ATP10A: variants seen among roughly 807,000 people sequenced by gnomAD.
ATP10A encodes the protein phospholipid-transporting ATPase VA.
In ATP10A, 111 loss-of-function variants were observed where a neutral mutation model predicts 147.8. The observed-to-expected ratio is 0.75, with a 90% CI of 0.64 to 0.88. ATP10A has a LOEUF of 0.88. ATP10A is among the 40% of genes least tolerant of loss of function. The pLI is 0.00. For missense variants in ATP10A, 1,927 were observed against 1,959.0 expected, an observed-to-expected ratio of 0.98 and a Z score of 0.31; for synonymous variants, 875 against 841.6, an observed-to-expected ratio of 1.04 and a Z score of -0.69.
chr15:25,857,842 G>A lies in ATP10A; in HGVS notation c.449+4806C>T, dbSNP rs372648434. On this transcript the variant is annotated intron_variant, in intron 1 of 20. Coordinates refer to ENST00000555815, the MANE Select transcript of ATP10A (RefSeq NM_024490.4). ...CGGTACTGCCATCTCCTAACAGTGT[G>A]ACCTTAGGCAAGCTATTGAGTCTTG... Among the ~76,000 whole-genome samples the A allele has an allele frequency of 3.0e-4, 45 of 152,286 alleles. No individual in the cohort carries two copies. The East Asian group carries it at 6.8e-3, about 23-fold the overall frequency.
intron 1 of ATP10A, among the ~76,000 whole-genome samples, chr15:25,845,384 A>G (rs1892976193): frequency 6.6e-6 from 1 of 151,732 alleles, no homozygotes; most frequent in African/African-American, 2.4e-5. Context: ...GCCGAAGTTA[A>G]CTGTGATAAG....
chr15:25,804,591 G>A (rs551537407), intron 1 of ATP10A, among the ~76,000 whole-genome samples: 1 of 152,186 alleles, frequency 6.6e-6, no homozygotes, highest in African/African-American at 2.4e-5. Context: ...GGAAAGAGCT[G>A]AGGCCTTAAA....
intron 1 of ATP10A, among the ~76,000 whole-genome samples, chr15:25,812,056 C>T (rs2140819736): frequency 6.6e-6 from 1 of 152,364 alleles, no homozygotes; most frequent in Admixed American, 6.5e-5. Context: ...CGCAAACACG[C>T]TCCCCTAAAA....
chr15:25,705,454 C>CAAAAAAAAAAAAAAAA (rs367718474), intron 12 of ATP10A, among the ~76,000 whole-genome samples: 3 of 82,000 alleles, frequency 3.7e-5, no homozygotes, highest in African/African-American at 7.9e-5. Context: ...AAAAAAAAAA[C>CAAAAAAAAAAAAAAAA]AAAAAAAAAA....
intron 1 of ATP10A, among the ~76,000 whole-genome samples, chr15:25,849,554 A>G (rs1893187843): frequency 6.6e-6 from 1 of 152,192 alleles, no homozygotes; most frequent in African/African-American, 2.4e-5. Context: ...AAGTCTGGCC[A>G]GACGCTTTAC....
intron 1 of ATP10A, among the ~76,000 whole-genome samples, chr15:25,804,875 A>C (rs1489571637): frequency 6.6e-6 from 1 of 152,268 alleles, no homozygotes; most frequent in Admixed American, 6.5e-5. Flanking sequence ...GAAGTAAAAA[A>C]TAAAATATGA....
intron 17 of ATP10A, among the ~76,000 whole-genome samples, chr15:25,682,760 G>A (rs999524541): frequency 6.6e-6 from 1 of 152,230 alleles, no homozygotes; most frequent in Non-Finnish European, 1.5e-5. Context: ...CAGGAGAAAT[G>A]AGACTCCATG....
chr15:25,687,265 C>T (rs1899740632), intron 16 of ATP10A, among the ~76,000 whole-genome samples: 1 of 152,076 alleles, frequency 6.6e-6, no homozygotes, highest in Non-Finnish European at 1.5e-5. Flanking sequence ...GATTAGAGGA[C>T]TCCTGTTTGG....
intron 2 of ATP10A, among the ~76,000 whole-genome samples, chr15:25,763,483 G>A (rs894139204): frequency 2.0e-5 from 3 of 152,194 alleles, no homozygotes; most frequent in African/African-American, 7.2e-5. Context: ...GGATGCCTCT[G>A]AGAGGCTTCC....
chr15:25,859,534 G>T (rs1254530154), intron 1 of ATP10A, among the ~76,000 whole-genome samples: 2 of 152,116 alleles, frequency 1.3e-5, no homozygotes, highest in African/African-American at 4.8e-5. Context: ...GACGCTGGGT[G>T]GGTGGCCCTT....
intron 1 of ATP10A, among the ~76,000 whole-genome samples, chr15:25,854,084 T>A (rs1252605248): frequency 3.3e-5 from 5 of 152,172 alleles, no homozygotes; most frequent in African/African-American, 1.2e-4. Flanking sequence ...ATAATATATT[T>A]TTTAGAAAAG....
intron 1 of ATP10A, among the ~76,000 whole-genome samples, chr15:25,825,608 A>G (rs758746046): frequency 2.0e-5 from 3 of 152,218 alleles, no homozygotes; most frequent in Non-Finnish European, 4.4e-5. Flanking sequence ...CACTAAGATA[A>G]TCAAGCACAG....
chr15:25,821,602 G>A (rs1596953615), intron 1 of ATP10A, among the ~76,000 whole-genome samples: 1 of 152,262 alleles, frequency 6.6e-6, no homozygotes, highest in African/African-American at 2.4e-5. Context: ...AATTTTGGAA[G>A]GGGTTTTGCT....
At chr15:25,771,060 G>A (rs533225706) in intron 2 of ATP10A, among the ~76,000 whole-genome samples, 80 of 152,250 alleles carry the variant, frequency 5.3e-4, no homozygotes, top group African/African-American at 1.8e-3. Context: ...AGCGGTAGTG[G>A]TTTTCCTTTT....
chr15:25,853,933 C>A (rs1182900163), intron 1 of ATP10A, among the ~76,000 whole-genome samples: 1 of 149,414 alleles, frequency 6.7e-6, no homozygotes, highest in African/African-American at 2.5e-5. Context: ...CAGAGTTAGA[C>A]CCTGTCTCAG....
chr15:25,801,425 T>C (rs1164045457), intron 1 of ATP10A, among the ~76,000 whole-genome samples: 1 of 152,188 alleles, frequency 6.6e-6, no homozygotes, highest in East Asian at 1.9e-4. Context: ...GGGATAACAC[T>C]GGCAATGCCT....
chr15:25,766,798 C>T (rs1339903748), intron 2 of ATP10A, among the ~76,000 whole-genome samples: 1 of 151,772 alleles, frequency 6.6e-6, no homozygotes, highest in African/African-American at 2.4e-5. Flanking sequence ...AGCTAGGTGC[C>T]ACGGGGACTA....
At chr15:25,863,425 C>T (rs1597017246), upstream of ATP10A, among the ~76,000 whole-genome samples, 1 of 152,246 alleles carries the variant, frequency 6.6e-6, no homozygotes, top group African/African-American at 2.4e-5. Context: ...GTTCCGCGCC[C>T]GGACTGGGCC....
intron 2 of ATP10A, chr15:25,738,753 G>A (rs184466952): frequency 3.9e-5 from 6 of 152,288 alleles, no homozygotes; most frequent in Admixed American, 2.6e-4. Context: ...CATTCTGATC[G>A]TCATCACCAT....
Sources: allele counts gnomAD v4.1 joint callset (sites outside exome capture counted in the v4.1 genomes callset), GRCh38; gene constraint gnomAD v4.1.1; transcripts MANE v1.5; gene names NCBI Gene and HGNC (gene_info 2026-07-23, HGNC 2026-07-21).